Variants in SMARCC1 observed in about 807,000 individuals in gnomAD.
The protein encoded by SMARCC1 is SWI/SNF related BAF chromatin remodeling complex subunit C1.
SMARCC1 carries 43 observed loss-of-function variants against 147.4 expected under a neutral mutation model. The ratio of observed to expected loss-of-function variants is 0.29; its 90% CI spans 0.23 to 0.38. SMARCC1 has a LOEUF of 0.38. Among genes scored for constraint, SMARCC1 ranks in the 10% least tolerant of loss-of-function variants. The probability of loss-of-function intolerance (pLI) is 1.00; values close to 1 mark genes in which losing one functional copy is unlikely to be tolerated. For synonymous variants in SMARCC1, 495 were observed against 484.4 expected (o/e 1.02, Z -0.29); for missense variants, 1,119 against 1,381.1 (o/e 0.81, Z 3.01).
At chr3:47,613,998 A>C (rs540565773) in intron 25 of SMARCC1, among the ~76,000 whole-genome samples, 59 of 151,856 alleles carry the variant, frequency 3.9e-4, no homozygotes, top group Non-Finnish European at 8.4e-4. Context: ...GGAAAGAGTA[A>C]AAGACAGTGA....
intron 26 of SMARCC1, among the ~76,000 whole-genome samples, chr3:47,609,771 T>C (rs1276488434): frequency 6.6e-6 from 1 of 152,186 alleles, no homozygotes; most frequent in Admixed American, 6.5e-5. Flanking sequence ...AAAATGTCTA[T>C]AATTTTTTTT....
intron 2 of SMARCC1, among the ~76,000 whole-genome samples, chr3:47,771,003 C>T (rs950954626): frequency 1.3e-5 from 2 of 152,102 alleles, no homozygotes; most frequent in Admixed American, 1.3e-4. Context: ...CTCTGCCTCC[C>T]GGGTTCATGC....
intron 26 of SMARCC1, among the ~76,000 whole-genome samples, chr3:47,597,279 C>T (rs1407176493): frequency 6.6e-6 from 1 of 152,122 alleles, no homozygotes; most frequent in Non-Finnish European, 1.5e-5. Flanking sequence ...GCCTCAACTT[C>T]CTGAGTAGCT....
At chr3:47,719,704 A>G (rs2034206440) in intron 7 of SMARCC1, among the ~76,000 whole-genome samples, 2 of 152,098 alleles carry the variant, frequency 1.3e-5, no homozygotes, top group Non-Finnish European at 2.9e-5. Flanking sequence ...CTCTGTCTCA[A>G]AAAAATCTGA....
intron 26 of SMARCC1, among the ~76,000 whole-genome samples, chr3:47,601,055 A>T: frequency 1.1e-5 from 1 of 92,098 alleles, no homozygotes; most frequent in African/African-American, 3.9e-5. Flanking sequence ...GAGACATGGC[A>T]TCAAAACAGC....
At chr3:47,733,839 G>C (rs1265948483) in intron 5 of SMARCC1, among the ~76,000 whole-genome samples, 3 of 141,716 alleles carry the variant, frequency 2.1e-5, no homozygotes, top group Non-Finnish European at 4.5e-5. Context: ...ACTCCAGCCT[G>C]GGCGACACAG....
intron 1 of SMARCC1, 45 bp downstream of exon 1, chr3:47,781,558 C>T: frequency 3.6e-6 from 5 of 1,402,324 alleles, no homozygotes; most frequent in Non-Finnish European, 4.7e-6. Flanking sequence ...CCGCCTCCGG[C>T]CCCGGTCGCG....
intron 9 of SMARCC1, among the ~76,000 whole-genome samples, chr3:47,708,269 T>C (rs1053523773): frequency 6.6e-6 from 1 of 151,724 alleles, no homozygotes; most frequent in African/African-American, 2.4e-5. Context: ...GCCTCCCATG[T>C]AGCTGGGACT....
At chr3:47,724,874 A>C (rs1269574953) in intron 6 of SMARCC1, among the ~76,000 whole-genome samples, 1 of 152,032 alleles carries the variant, frequency 6.6e-6, no homozygotes, top group Non-Finnish European at 1.5e-5. Flanking sequence ...AGCCTTGGCA[A>C]CATATCTCTA....
At chr3:47,762,073 T>C (rs1423843221) in intron 2 of SMARCC1, among the ~76,000 whole-genome samples, 1 of 152,156 alleles carries the variant, frequency 6.6e-6, no homozygotes, top group Non-Finnish European at 1.5e-5. Context: ...TGAGCTACCA[T>C]GCCCAGCTTG....
At chr3:47,699,611 T>C (rs1298144597) in intron 11 of SMARCC1, among the ~76,000 whole-genome samples, 2 of 150,454 alleles carry the variant, frequency 1.3e-5, no homozygotes, top group African/African-American at 4.8e-5. Flanking sequence ...TATATTGCTC[T>C]ATATGTCTAT....
chr3:47,770,156 A>T (rs2034895563), intron 2 of SMARCC1, among the ~76,000 whole-genome samples: 1 of 152,014 alleles, frequency 6.6e-6, no homozygotes, highest in Admixed American at 6.6e-5. Context: ...TGAACCCGGT[A>T]GGCAGAACTT....
chr3:47,735,922 C>T (rs887366820), intron 5 of SMARCC1, 112 bp downstream of exon 5: 73 of 467,828 alleles, frequency 1.6e-4, no homozygotes, highest in Non-Finnish European at 2.5e-4. Flanking sequence ...TCTTTTGATG[C>T]AAATATATCA....
intron 2 of SMARCC1, among the ~76,000 whole-genome samples, chr3:47,760,522 C>T (rs1428170160): frequency 1.3e-5 from 2 of 151,610 alleles, no homozygotes; most frequent in Non-Finnish European, 2.9e-5. Context: ...ATTAGCTGGG[C>T]GTTGTGGCGC....
chr3:47,629,314 C>T (rs115555526), intron 24 of SMARCC1, among the ~76,000 whole-genome samples: 2,257 of 152,206 alleles, frequency 0.015, 33 homozygotes, highest in Non-Finnish European at 0.025. Flanking sequence ...ACATAAGATC[C>T]GAGACCTCCA....
intron 25 of SMARCC1, among the ~76,000 whole-genome samples, chr3:47,612,429 G>A (rs1433587866): frequency 6.6e-6 from 1 of 152,200 alleles, no homozygotes; most frequent in African/African-American, 2.4e-5. Context: ...GTCAAGATAT[G>A]CTTTATAAGG....
intron 24 of SMARCC1, among the ~76,000 whole-genome samples, chr3:47,630,012 A>C (rs2032865976): frequency 6.6e-6 from 1 of 151,792 alleles, no homozygotes; most frequent in South Asian, 2.1e-4. Context: ...GGAGAGGCCC[A>C]ACCTTTCACA....
At chr3:47,654,011 C>G (rs987699520) in intron 21 of SMARCC1, among the ~76,000 whole-genome samples, 1 of 152,200 alleles carries the variant, frequency 6.6e-6, no homozygotes, top group East Asian at 1.9e-4. Flanking sequence ...TTGCTAGATA[C>G]TTCAGTCTTG....
At chr3:47,590,325 AGG>A (rs1368169452) in intron 27 of SMARCC1, among the ~76,000 whole-genome samples, 1 of 152,250 alleles carries the variant, frequency 6.6e-6, no homozygotes, top group East Asian at 1.9e-4. Flanking sequence ...AGGCTGCTGT[AGG>A]GAAAACCACC....
Sources: gnomAD v4.1 joint callset for allele counts (sites outside exome capture counted in the v4.1 genomes callset) on GRCh38, gnomAD v4.1.1 for gene constraint, MANE v1.5 for transcripts, NCBI Gene and HGNC (gene_info 2026-07-23, HGNC 2026-07-21) for gene names.